ANKH: variants seen among roughly 807,000 people sequenced by gnomAD.
ANKH encodes the protein mineralization regulator ANKH.
Under a neutral mutation model 49.0 loss-of-function variants are expected in ANKH, and 15 were observed. The ratio of observed to expected loss-of-function variants is 0.31; its 90% confidence interval spans 0.20 to 0.47. ANKH has a LOEUF of 0.47. Among genes scored for constraint, ANKH ranks in the 20% least tolerant of loss-of-function variants. ANKH has a pLI of 1.00. For synonymous variants in ANKH, 273 were observed against 260.0 expected (o/e 1.05, Z -0.48); for missense variants, 429 against 652.0 (o/e 0.66, Z 3.72).
intron 1 of ANKH, among the ~76,000 whole-genome samples, chr5:14,824,602 A>C (rs1039482255): frequency 6.6e-6 from 1 of 152,178 alleles, no homozygotes; most frequent in African/African-American, 2.4e-5. Flanking sequence ...TAATAAATAA[A>C]ATGAACAGTT....
intron 1 of ANKH, chr5:14,869,916 A>G (rs904113738): frequency 6.6e-6 from 1 of 152,228 alleles, no homozygotes; most frequent in African/African-American, 2.4e-5. Context: ...GTGAATATAC[A>G]GCATTTGACT....
At chr5:14,791,171 T>C (rs1242174970) in intron 1 of ANKH, among the ~76,000 whole-genome samples, 1 of 152,178 alleles carries the variant, frequency 6.6e-6, no homozygotes, top group Non-Finnish European at 1.5e-5. Flanking sequence ...ATCAGGCTGA[T>C]ATCTGAGTTT....
Position 14,713,506 on chromosome 5 carries a change from CAGA to C in ANKH, c.1265+35_1265+37del. ...ACCTCTGGACACAGTATTGAAGTGGCAGAAGGACCCACAGCCCCAAACTCCCTG... is the reference window on the plus strand; with the variant it reads ...ACCTCTGGACACAGTATTGAAGTGGCAGGACCCACAGCCCCAAACTCCCTG... On this transcript the variant is annotated intron_variant, in intron 10 of 11. Coordinates refer to ENST00000284268, the MANE Select transcript of ANKH (RefSeq NM_054027.6). The surrounding 1 kb of genome is among the most constrained non-coding windows in gnomAD (Gnocchi z 4.4). 1 of 1,612,864 alleles carries C rather than the reference CAGA, an allele frequency of 6.2e-7. No individual in the cohort carries two copies. The highest frequency in any genetic ancestry group is 1.3e-5 in the African/African-American group (1 of 75,002).
Position 14,716,730 on chromosome 5 carries a change from T to A in ANKH, c.1117A>T (p.Ile373Phe). 3 of 1,614,064 alleles carry A rather than the reference T, an allele frequency of 1.9e-6. No homozygotes were observed. Among genetic ancestry groups the A allele is most frequent in the Non-Finnish European group, 1.7e-6 (2 of 1,179,962 alleles). The change falls in exon 9 of 12, where the codon ATC becomes TTC. Residue 373 changes from isoleucine to phenylalanine, a missense_variant. By Grantham distance (21) the Ile-to-Phe change is conservative. This residue lies in a region of ANKH where 378 missense variants were observed against 615.3 expected (regional missense o/e 0.61). Coordinates refer to ENST00000284268, the MANE Select transcript of ANKH (RefSeq NM_054027.6). ...FAELCVVPLR[I>F]FSFFPVPVTV... The stretch of plus-strand genomic sequence containing the variant: ...CCTGGAACTGGGAAGAAGGAGAAGA[T>A]CCGCAAAGGAACAACACAGAGTTCT...
At position 14,708,839 on chromosome 5, in the gene ANKH, C is replaced by T. The variant is rs1426356743; in HGVS notation, c.*2358G>A. On this transcript the variant is annotated 3_prime_UTR_variant, in exon 12 of 12. Coordinates refer to ENST00000284268, the MANE Select transcript of ANKH (RefSeq NM_054027.6). ...TGAAGGAATCTCTGGAGTTGTATTT[C>T]CTCATCTCATAATGAGGAGGCCCTT... The T allele has an allele frequency of 6.6e-6, 1 of 152,162 alleles. No individual in the cohort carries two copies. The highest frequency in any genetic ancestry group is 2.4e-5 in the African/African-American group (1 of 41,426). The allele number at this position is 152,162 out of a possible 1,614,324, so 9.4% of individuals were successfully genotyped here.
At chr5:14,795,527 A>G (rs185622437) in intron 1 of ANKH, among the ~76,000 whole-genome samples, 10 of 152,346 alleles carry the variant, frequency 6.6e-5, no homozygotes, top group Non-Finnish European at 1.3e-4. Flanking sequence ...ACCCTTTTCA[A>G]ATGAGAACTA....
chr5:14,863,022 A>G (rs1338985706), intron 1 of ANKH, among the ~76,000 whole-genome samples: 1 of 152,172 alleles, frequency 6.6e-6, no homozygotes, highest in Non-Finnish European at 1.5e-5. Flanking sequence ...TCAAAAAGCA[A>G]GAACTCAATA....
chr5:14,748,113 G>A (rs2126478310), intron 6 of ANKH, among the ~76,000 whole-genome samples: 1 of 152,188 alleles, frequency 6.6e-6, no homozygotes, highest in East Asian at 1.9e-4. Flanking sequence ...AGGGGTGGAT[G>A]GAATTCTAGC....
intron 1 of ANKH, among the ~76,000 whole-genome samples, chr5:14,854,518 A>G (rs1435458008): frequency 6.6e-6 from 1 of 152,098 alleles, no homozygotes; most frequent in African/African-American, 2.4e-5. Context: ...AGTCTCTACA[A>G]AACAAAAACA....
intron 2 of ANKH, among the ~76,000 whole-genome samples, chr5:14,766,584 G>T (rs987938928): frequency 3.3e-5 from 5 of 152,124 alleles, no homozygotes; most frequent in African/African-American, 1.2e-4. Flanking sequence ...CTTGCTAAAA[G>T]GAAATAAATT....
intron 8 of ANKH, among the ~76,000 whole-genome samples, chr5:14,734,842 C>G (rs1282852006): frequency 1.3e-5 from 2 of 152,146 alleles, no homozygotes; most frequent in Admixed American, 1.3e-4. Context: ...AATCAATTAC[C>G]CTTTATAAGG....
At chr5:14,723,803 T>C (rs1436119933) in intron 8 of ANKH, among the ~76,000 whole-genome samples, 1 of 152,238 alleles carries the variant, frequency 6.6e-6, no homozygotes, top group African/African-American at 2.4e-5. Context: ...TCATTTCTAG[T>C]AGAGTGTAGT....
chr5:14,751,538 T>C (rs1158693895), intron 4 of ANKH, among the ~76,000 whole-genome samples: 2 of 152,244 alleles, frequency 1.3e-5, no homozygotes, highest in Non-Finnish European at 2.9e-5. Flanking sequence ...TAAAAAAATT[T>C]ATGCAATATG....
intron 1 of ANKH, among the ~76,000 whole-genome samples, chr5:14,795,772 C>T (rs992993571): frequency 4.0e-5 from 6 of 151,684 alleles, no homozygotes; most frequent in East Asian, 1.9e-4. Flanking sequence ...GCACAAGGAT[C>T]AGTTGAACCT....
intron 8 of ANKH, among the ~76,000 whole-genome samples, chr5:14,721,974 A>T (rs1012280699): frequency 6.6e-6 from 1 of 151,466 alleles, no homozygotes; most frequent in Non-Finnish European, 1.5e-5. Flanking sequence ...GTATGTATTA[A>T]AAGCTACAAT....
At chr5:14,762,803 A>G (rs781739713) in intron 2 of ANKH, among the ~76,000 whole-genome samples, 2 of 152,252 alleles carry the variant, frequency 1.3e-5, no homozygotes, top group African/African-American at 2.4e-5. Context: ...TAGCTGCCTT[A>G]GCAATATTTA....
intron 1 of ANKH, among the ~76,000 whole-genome samples, chr5:14,783,290 ACACACACAC>A (rs1739865952): frequency 1.4e-4 from 1 of 7,084 alleles, no homozygotes; most frequent in South Asian, 0.011. Flanking sequence ...CCACCATTCT[ACACACACAC>A]ACACACACAC....
intron 8 of ANKH, among the ~76,000 whole-genome samples, chr5:14,721,370 A>C (rs1322352206): frequency 6.6e-6 from 1 of 152,190 alleles, no homozygotes; most frequent in Non-Finnish European, 1.5e-5. Flanking sequence ...ACACACCTAC[A>C]GCCCAGACTG....
At chr5:14,845,148 C>T (rs1741920577) in intron 1 of ANKH, among the ~76,000 whole-genome samples, 1 of 151,978 alleles carries the variant, frequency 6.6e-6, no homozygotes, top group African/African-American at 2.4e-5. Context: ...TCCAATAATG[C>T]CTCTATTTTG....
Sources: allele counts gnomAD v4.1 joint callset (sites outside exome capture counted in the v4.1 genomes callset), GRCh38; gene constraint gnomAD v4.1.1; regional missense constraint gnomAD v4.1.1; non-coding constraint Gnocchi (gnomAD v3.1); transcripts MANE v1.5; gene names NCBI Gene and HGNC (gene_info 2026-07-23, HGNC 2026-07-21).